Variants in COL28A1 observed in about 807,000 individuals in gnomAD.
The protein encoded by COL28A1 is collagen alpha-1(XXVIII) chain.
In COL28A1, 161 loss-of-function variants were observed where a neutral mutation model predicts 150.2. That is an observed-to-expected ratio of 1.07 (90% confidence interval 0.94 to 1.22). The LOEUF (loss-of-function observed/expected upper bound fraction) is 1.22, where lower values mean the gene tolerates loss of function less well. Among genes scored for constraint, COL28A1 ranks in the 50% most tolerant of loss-of-function variants. COL28A1 has a pLI of 0.00. For synonymous variants in COL28A1, 552 were observed against 469.7 expected, an observed-to-expected ratio of 1.18 and a Z score of -2.26; for missense variants, 1,617 against 1,388.3, an observed-to-expected ratio of 1.16 and a Z score of -2.62.
At chr7:7,379,175 G>C (rs921496302) in intron 30 of COL28A1, among the ~76,000 whole-genome samples, 1 of 152,168 alleles carries the variant, frequency 6.6e-6, no homozygotes, top group Non-Finnish European at 1.5e-5. Flanking sequence ...GTTCCAGAGC[G>C]GGGGCCTCTA....
At chr7:7,354,173 T>G (rs568272486), downstream of COL28A1, among the ~76,000 whole-genome samples, 14 of 152,156 alleles carry the variant, frequency 9.2e-5, 1 homozygote, top group African/African-American at 3.1e-4. Flanking sequence ...TTTAAATTTT[T>G]TGTAGAGATG....
intron 15 of COL28A1, among the ~76,000 whole-genome samples, chr7:7,472,473 G>A (rs761564377): frequency 2.0e-5 from 3 of 151,766 alleles, no homozygotes; most frequent in Non-Finnish European, 4.4e-5. Flanking sequence ...CCAAGGAGGC[G>A]AAGGACCTCT....
intron 20 of COL28A1, among the ~76,000 whole-genome samples, chr7:7,442,967 G>A (rs1022117328): frequency 1.3e-5 from 2 of 151,792 alleles, no homozygotes; most frequent in Non-Finnish European, 2.9e-5. Flanking sequence ...CCCGGGAGGC[G>A]GAGGTTGTAG....
At chr7:7,496,095 C>T (rs1306380837) in intron 11 of COL28A1, among the ~76,000 whole-genome samples, 1 of 152,170 alleles carries the variant, frequency 6.6e-6, no homozygotes, top group Non-Finnish European at 1.5e-5. Context: ...TTATTTTAAG[C>T]AGCATGGCTT....
intron 15 of COL28A1, among the ~76,000 whole-genome samples, chr7:7,456,551 T>C (rs10262991): frequency 0.015 from 2,286 of 152,296 alleles, 54 homozygotes; most frequent in African/African-American, 0.052. Flanking sequence ...AAAATGCATT[T>C]TGAAAATGAA....
intron 23 of COL28A1, 91 bp from the exon 24 acceptor site, chr7:7,432,791 G>T (rs564694014): frequency 1.1e-6 from 1 of 943,660 alleles, no homozygotes; most frequent in Non-Finnish European, 1.7e-6. Flanking sequence ...ATATGCCAAC[G>T]GTCGATTTCT....
chr7:7,526,777 A>G (rs1782047531), intron 3 of COL28A1, among the ~76,000 whole-genome samples: 1 of 152,088 alleles, frequency 6.6e-6, no homozygotes, highest in Non-Finnish European at 1.5e-5. Context: ...CTGGAATTAC[A>G]GAGCACGCCA....
chr7:7,396,458 C>A (rs1255490767), intron 27 of COL28A1, among the ~76,000 whole-genome samples: 1 of 152,190 alleles, frequency 6.6e-6, no homozygotes, highest in Non-Finnish European at 1.5e-5. Flanking sequence ...AGAAGCCAGG[C>A]AGTTTCCCCT....
rs765959585 is a variant in COL28A1 at position 7,373,252 on chromosome 7, T to C, written c.2654A>G (p.Asn885Ser). ...TGGCCTTGCATCTTCAAACATGTCGTTGGCTGCTTGCAGAGCAGTGGCTGT... is the reference window on the plus strand; with the variant it reads ...TGGCCTTGCATCTTCAAACATGTCGCTGGCTGCTTGCAGAGCAGTGGCTGT... ...TYTATALQAA[N>S]DMFEDARPGV... Residue 885 changes from asparagine to serine, a missense_variant, in exon 32 of 35, where the codon AAC becomes AGC. Coordinates refer to ENST00000399429, the MANE Select transcript of COL28A1 (RefSeq NM_001037763.3). This position sits in a 1 kb window ranked among gnomAD's most constrained non-coding sequence, Gnocchi z 4.1. The C allele has an allele frequency of 1.9e-6, 3 of 1,614,208 alleles. No individual in the cohort carries two copies. The highest frequency in any genetic ancestry group is 2.5e-6 in the Non-Finnish European group (3 of 1,180,038).
At chr7:7,349,214 T>C in the COL28A1 span, among the ~76,000 whole-genome samples, 1 of 152,294 alleles carries the variant, frequency 6.6e-6, no homozygotes, top group Admixed American at 6.5e-5. Flanking sequence ...TTTAAATCCA[T>C]TGTGATAAGA....
At chr7:7,523,355 T>A (rs1459454207) in intron 4 of COL28A1, among the ~76,000 whole-genome samples, 3 of 151,918 alleles carry the variant, frequency 2.0e-5, no homozygotes, top group Non-Finnish European at 4.4e-5. Context: ...AGACGGGGTT[T>A]CAGCATGTTG....
chr7:7,489,415 TG>T lies in COL28A1; in HGVS notation c.1137del (p.Ile380LeufsTer58). 6.8e-7 allele frequency: 1 copy of T among 1,464,014 alleles called. No individual in the cohort carries two copies. Among genetic ancestry groups the T allele is most frequent in the Middle Eastern group, 1.7e-4 (1 of 5,774 alleles). 90.7% of individuals were successfully genotyped at this position (1,464,014 alleles called of 1,614,324 possible). ...GQEGRPGAPG[P>X]IGVGEPGQPG... ...GGCTGTCCAGGCTCACCAACTCCAA[TG>T]GGTCCTGGAGCTCCCGGTCTTCCTT... On this transcript the variant is annotated frameshift_variant, in exon 13 of 35. Transcript: ENST00000399429. LOFTEE classifies it high-confidence loss of function.
intron 21 of COL28A1, among the ~76,000 whole-genome samples, chr7:7,438,818 C>T (rs192902122): frequency 5.3e-5 from 8 of 152,322 alleles, no homozygotes; most frequent in Admixed American, 1.3e-4. Context: ...TGGGCCAAAT[C>T]CAGCCCACCC....
chr7:7,359,374 C>T (rs1179925870), intron 34 of COL28A1, among the ~76,000 whole-genome samples: 2 of 151,720 alleles, frequency 1.3e-5, no homozygotes, highest in African/African-American at 4.8e-5. Flanking sequence ...ACACTAAAAA[C>T]GTGATACAAC....
chr7:7,479,819 A>G (rs1303904931), intron 13 of COL28A1, among the ~76,000 whole-genome samples: 1 of 152,250 alleles, frequency 6.6e-6, no homozygotes, highest in East Asian at 1.9e-4. Context: ...ATAAAAGAGT[A>G]ATAGTGAGGT....
the COL28A1 span, among the ~76,000 whole-genome samples, chr7:7,349,513 T>C: frequency 1.3e-5 from 2 of 152,170 alleles, no homozygotes; most frequent in Non-Finnish European, 2.9e-5. Context: ...TGAAATTCCT[T>C]TCTTTACAGT....
At chr7:7,427,288 A>G (rs1784698329) in intron 25 of COL28A1, among the ~76,000 whole-genome samples, 1 of 152,194 alleles carries the variant, frequency 6.6e-6, no homozygotes, top group South Asian at 2.1e-4. Flanking sequence ...TAAACTTTGT[A>G]TGGCTCTGGC....
chr7:7,360,560 G>C (rs748619586), intron 33 of COL28A1, 32 bp from the exon 34 acceptor site: 1 of 1,574,524 alleles, frequency 6.4e-7, no homozygotes, highest in Non-Finnish European at 8.6e-7. Context: ...TTGTGTTTCT[G>C]ATAATATCAA....
In COL28A1 at chr7:7,365,105, G is replaced by A. The variant is rs752792635; in HGVS notation, c.3067-4577C>T. ...CTGGCAGAATACACACCCAATTCACGATAGTGATTGCCTCTGGAGAGAGGA... is the reference window on the plus strand; with the variant it reads ...CTGGCAGAATACACACCCAATTCACAATAGTGATTGCCTCTGGAGAGAGGA... On this transcript the variant is annotated intron_variant, in intron 33 of 34. Coordinates refer to ENST00000399429, the MANE Select transcript of COL28A1 (RefSeq NM_001037763.3). Among the ~76,000 whole-genome samples, 4 of 147,382 alleles carry A rather than the reference G, an allele frequency of 2.7e-5. No homozygotes were observed. The East Asian group carries it at 6.1e-4, about 23-fold the overall frequency.
Sources: allele counts gnomAD v4.1 joint callset (sites outside exome capture counted in the v4.1 genomes callset), GRCh38; gene constraint gnomAD v4.1.1; non-coding constraint Gnocchi (gnomAD v3.1); transcripts MANE v1.5; gene names NCBI Gene and HGNC (gene_info 2026-07-23, HGNC 2026-07-21).